Variants in CIITA observed in about 807,000 individuals in gnomAD.
CIITA encodes the protein MHC class II transactivator.
In CIITA, 72 loss-of-function variants were observed where a neutral mutation model predicts 115.1. That is an observed-to-expected ratio of 0.63 (90% CI 0.52 to 0.76). The LOEUF (loss-of-function observed/expected upper bound fraction) is 0.76. Ranked by LOEUF, CIITA falls within the 30% of genes least tolerant of loss-of-function variation. The pLI is 0.00. For synonymous variants in CIITA, 763 were observed against 635.6 expected, an observed-to-expected ratio of 1.20 and a Z score of -3.02; for missense variants, 1,617 against 1,463.8, an observed-to-expected ratio of 1.10 and a Z score of -1.71.
Position 10,903,881 on chromosome 16 carries a change from G to C in CIITA, c.923G>C (p.Arg308Pro), listed in dbSNP as rs780678285. Reference protein sequence around the residue: ...PSMPEPALTSRANMTEHKTSP... With the variant: ...PSMPEPALTSPANMTEHKTSP... Reference sequence around the variant, plus strand: ...ATGCCTGAACCTGCCCTGACCTCCCGAGCAAACATGACAGGTAAGGACCCT... The same window carrying C: ...ATGCCTGAACCTGCCCTGACCTCCCCAGCAAACATGACAGGTAAGGACCCT... The change falls in exon 9 of 20, where the codon CGA (arginine) becomes CCA (proline). Residue 308 changes from arginine (R) to proline (P), a missense_variant. Transcript: ENST00000324288. 9.3e-6 allele frequency: 15 copies of C among 1,614,144 alleles called. No individual in the cohort carries two copies. The highest frequency in any genetic ancestry group is 1.1e-5 in the Non-Finnish European group (13 of 1,180,020).
rs2040682650 is a variant in CIITA, at chr16:10,929,476, G to T, written c.*5621G>T. The T allele has an allele frequency of 1.0e-6, 1 of 985,692 alleles. No individual in the cohort carries two copies. Among genetic ancestry groups the T allele is most frequent in the Admixed American group, 6.1e-5 (1 of 16,262 alleles). 61.1% of individuals were successfully genotyped at this position (985,692 alleles called of 1,614,324 possible). ...GGGAGCAGGTGCCTTCCCAACCTCAGCACTCAGTCCCAATCTCTCTTCCAC... is the reference window on the plus strand; with the variant it reads ...GGGAGCAGGTGCCTTCCCAACCTCATCACTCAGTCCCAATCTCTCTTCCAC... On this transcript the variant is annotated 3_prime_UTR_variant, in exon 20 of 20. Transcript: ENST00000324288. This position sits in a 1 kb window ranked among gnomAD's most constrained non-coding sequence, Gnocchi z 4.3.
downstream of CIITA, chr16:10,937,766 G>T (rs553124799): frequency 6.2e-4 from 94 of 152,314 alleles, no homozygotes; most frequent in African/African-American, 2.2e-3. The surrounding 1 kb of genome is among the most constrained non-coding windows in gnomAD (Gnocchi z 4.2). Flanking sequence ...CTTTCTCCTG[G>T]GAAGGAGGGA....
At position 10,904,726 on chromosome 16, in the gene CIITA, C is replaced by A; in HGVS notation, c.938-18C>A. On this transcript the variant is annotated intron_variant, in intron 9 of 19. Coordinates refer to ENST00000324288, the MANE Select transcript of CIITA (RefSeq NM_000246.4). ...GTAACCCTCACCCTAAATCTGGCAC[C>A]TGCTTCTCCATCTCCAGAGCACAAG... 1 of 1,614,098 alleles carries A rather than the reference C, an allele frequency of 6.2e-7. No individual in the cohort carries two copies. The highest frequency in any genetic ancestry group is 8.5e-7 in the Non-Finnish European group (1 of 1,179,948).
In CIITA at chr16:10,901,431, C is replaced by A; in HGVS notation, c.437-83C>A. On this transcript the variant is annotated intron_variant, in intron 5 of 19. Transcript: ENST00000324288. The surrounding 1 kb of genome is among the most constrained non-coding windows in gnomAD (Gnocchi z 6.8). The stretch of plus-strand genomic sequence containing the variant: ...CACTACCCAGCCTTGAAGTTAAGGC[C>A]GTATAGCCTGCTAGAGTCCTGAGCC... 1 of 1,459,348 alleles carries A rather than the reference C, an allele frequency of 6.9e-7. No individual in the cohort carries two copies. The highest frequency in any genetic ancestry group is 9.6e-7 in the Non-Finnish European group (1 of 1,042,270). The allele number at this position is 1,459,348 out of a possible 1,614,324, so 90.4% of individuals were successfully genotyped here. A position where few individuals can be genotyped will look rare whatever the true frequency, so the allele number is the denominator to read the frequency against.
chr16:10,917,869 C>T (rs1379184272), intron 15 of CIITA, among the ~76,000 whole-genome samples: 1 of 152,222 alleles, frequency 6.6e-6, no homozygotes. Context: ...AAATAATTTA[C>T]CGGAATTTAC....
intron 3 of CIITA, 93 bp from the exon 4 acceptor site, chr16:10,898,577 C>A: frequency 9.7e-7 from 1 of 1,028,968 alleles, no homozygotes; most frequent in Admixed American, 2.4e-5. Flanking sequence ...CCACTGTGTG[C>A]CAGGCCCAGA....
upstream of CIITA, among the ~76,000 whole-genome samples, chr16:10,875,976 AG>A (rs1387376341): frequency 2.0e-5 from 3 of 152,208 alleles, no homozygotes; most frequent in Non-Finnish European, 2.9e-5. Context: ...TCTCAAAAAA[AG>A]AAAAAAAGAA....
chr16:10,870,610 G>GGCTGGACA (rs2035417736), intron 1 of CIITA, among the ~76,000 whole-genome samples: 2 of 152,264 alleles, frequency 1.3e-5, no homozygotes, highest in African/African-American at 4.8e-5. Flanking sequence ...CCAGGCTGGA[G>GGCTGGACA]GCTGGACAGC....
rs1011456213 is a variant in CIITA, at chr16:10,929,245, G to T, written c.*5390G>T. 3 of 985,784 alleles carry T rather than the reference G, an allele frequency of 3.0e-6. No homozygotes were observed. Among genetic ancestry groups the T allele is most frequent in the Admixed American group, 6.1e-5 (1 of 16,266 alleles). 61.1% of individuals were successfully genotyped at this position (985,784 alleles called of 1,614,324 possible). On this transcript the variant is annotated 3_prime_UTR_variant, in exon 20 of 20. Coordinates refer to ENST00000324288, the MANE Select transcript of CIITA (RefSeq NM_000246.4). This position sits in a 1 kb window ranked among gnomAD's most constrained non-coding sequence, Gnocchi z 4.3. ...AAACGGAGCTGGGAGTCGCTTTTGC[G>T]TGTGTCCGCAGTTTGAAGTGTCCTC...
At chr16:10,888,124 G>C (rs141312520) in intron 1 of CIITA, among the ~76,000 whole-genome samples, 1 of 152,230 alleles carries the variant, frequency 6.6e-6, no homozygotes, top group Non-Finnish European at 1.5e-5. Flanking sequence ...TGGTCATCAC[G>C]CATATTGTAC....
At position 10,902,012 on chromosome 16, in the gene CIITA, C is replaced by T. The variant is rs1289154820; in HGVS notation, c.482-26C>T. The T allele has an allele frequency of 1.9e-6, 3 of 1,613,540 alleles. No homozygotes were observed. The African/African-American group carries it at 4.0e-5, about 22-fold the overall frequency. On this transcript the variant is annotated intron_variant, in intron 6 of 19. Coordinates refer to ENST00000324288, the MANE Select transcript of CIITA (RefSeq NM_000246.4). ...AGGAAGGCCCCTCCAAGCACCCAGT[C>T]TCTAACACAGCCCACTTCCTCACAG...
intron 1 of CIITA, 120 bp from the exon 2 acceptor site, chr16:10,895,162 G>T: frequency 8.6e-7 from 1 of 1,160,044 alleles, no homozygotes; most frequent in South Asian, 1.3e-5. Flanking sequence ...GGTGCTGAAT[G>T]AGCGCTTTTA....
chr16:10,881,187 G>A (rs566264886), intron 1 of CIITA, among the ~76,000 whole-genome samples: 24 of 152,180 alleles, frequency 1.6e-4, no homozygotes, highest in African/African-American at 5.8e-4. Flanking sequence ...GCTGAGGCAC[G>A]AGAATCACTT....
At chr16:10,894,672 C>T (rs957615509) in intron 1 of CIITA, among the ~76,000 whole-genome samples, 2 of 152,184 alleles carry the variant, frequency 1.3e-5, no homozygotes, top group African/African-American at 4.8e-5. Flanking sequence ...GCTCAGACTC[C>T]TTCAGTTTAC....
chr16:10,866,939 G>T (rs1044313864), intron 1 of CIITA, among the ~76,000 whole-genome samples: 2 of 152,200 alleles, frequency 1.3e-5, no homozygotes, highest in Admixed American at 6.5e-5. Context: ...GGCACAATCA[G>T]TGTGAGTCAA....
chr16:10,914,264 G>C (rs2039797921), intron 13 of CIITA, among the ~76,000 whole-genome samples: 1 of 152,136 alleles, frequency 6.6e-6, no homozygotes, highest in Admixed American at 6.6e-5. Context: ...AAGACTTAAG[G>C]GTGAAGGGAT....
chr16:10,878,264 G>A (rs1003390958), intron 1 of CIITA, among the ~76,000 whole-genome samples: 23 of 152,218 alleles, frequency 1.5e-4, no homozygotes, highest in Admixed American at 5.9e-4. Flanking sequence ...TGCCGGTGTG[G>A]TTGGGTGCAG....
chr16:10,908,033 A>G lies in CIITA; in HGVS notation c.2541A>G (p.Val847=). The G allele has an allele frequency of 1.9e-6, 3 of 1,612,598 alleles. No individual in the cohort carries two copies. The highest frequency in any genetic ancestry group is 2.5e-6 in the Non-Finnish European group (3 of 1,178,846). ...GTRLTPPDAH[V]LGKALEAAGQ... ...GCCTCACGCCTCCTGATGCACATGT[A>G]CTGGGCAAGGCCTTGGAGGCGGCGG... The change falls in exon 11 of 20, where the codon GTA becomes GTG. Residue 847 remains valine (V), a synonymous_variant. Coordinates refer to ENST00000324288, the MANE Select transcript of CIITA (RefSeq NM_000246.4).
chr16:10,906,530 G>A lies in CIITA; in HGVS notation c.1038G>A (p.Gln346=), dbSNP rs764203096. ...TGGAGCAGTTCTACCGCTCACTGCA[G>A]GACACGTATGGTGCCGAGCCCGCAG... ...EPVEQFYRSL[Q]DTYGAEPAGP... The change falls in exon 11 of 20, where the codon CAG becomes CAA. Residue 346 remains glutamine (Q), a synonymous_variant. Coordinates refer to ENST00000324288, the MANE Select transcript of CIITA (RefSeq NM_000246.4). 1.9e-6 allele frequency: 3 copies of A among 1,612,434 alleles called. No homozygotes were observed. The highest frequency in any genetic ancestry group is 2.2e-5 in the South Asian group (2 of 91,018).
Sources: gnomAD v4.1 joint callset for allele counts (sites outside exome capture counted in the v4.1 genomes callset) on GRCh38, gnomAD v4.1.1 for gene constraint, Gnocchi (gnomAD v3.1) non-coding constraint, MANE v1.5 for transcripts, NCBI Gene and HGNC (gene_info 2026-07-23, HGNC 2026-07-21) for gene names.